FSIP2: variants seen among roughly 807,000 people sequenced by gnomAD.
FSIP2 encodes fibrous sheath-interacting protein 2.
Under a neutral mutation model 510.5 loss-of-function variants are expected in FSIP2, and 367 were observed. That is an observed-to-expected ratio of 0.72 (90% CI 0.66 to 0.78). FSIP2 has a LOEUF of 0.78. Ranked by LOEUF, FSIP2 falls within the 30% of genes least tolerant of loss-of-function variation. The probability of loss-of-function intolerance (pLI) is 0.00; values close to 1 mark genes in which losing one functional copy is unlikely to be tolerated. For missense variants in FSIP2, 7,594 were observed against 7,901.7 expected (o/e 0.96, Z 1.48); for synonymous variants, 2,601 against 2,732.2 (o/e 0.95, Z 1.50).
rs777666677 is a variant in FSIP2 at position 185,792,428 on chromosome 2, A to C, written c.5292A>C (p.Lys1764Asn). The C allele has an allele frequency of 1.3e-6, 2 of 1,533,604 alleles. No individual in the cohort carries two copies. Among genetic ancestry groups the C allele is most frequent in the South Asian group, 1.2e-5 (1 of 83,966 alleles). 95.0% of individuals were successfully genotyped at this position (1,533,604 alleles called of 1,614,324 possible). ...KQWALEKTLNKIEVKLKEPHI... is the reference protein window; with the variant it reads ...KQWALEKTLNNIEVKLKEPHI... ...GGGCTCTCGAAAAAACCTTAAACAA[A>C]ATTGAAGTAAAACTCAAAGAACCAC... Residue 1764 changes from lysine to asparagine, a missense_variant, in exon 16 of 23, where the codon AAA (lysine) becomes AAC (asparagine). By Grantham distance (94) the Lys-to-Asn change is moderately conservative (BLOSUM62 0). Transcript: ENST00000424728.
intron 22 of FSIP2, among the ~76,000 whole-genome samples, chr2:185,832,578 ATTTC>A (rs972217220): frequency 6.6e-5 from 10 of 151,622 alleles, no homozygotes; most frequent in Admixed American, 2.0e-4. Flanking sequence ...ATATAAAATT[ATTTC>A]TTTATGTATA....
chr2:185,787,352 T>C lies in FSIP2; in HGVS notation c.1506+1064T>C, dbSNP rs1319086150. On this transcript the variant is annotated intron_variant, in intron 15 of 22. Coordinates refer to ENST00000424728, the MANE Select transcript of FSIP2 (RefSeq NM_173651.4). ...AATAAAATGGCCTTTCCTGGGGTGCTCCTCAAATGCTTTCAAGTGAGTCAG... is the reference window on the plus strand; with the variant it reads ...AATAAAATGGCCTTTCCTGGGGTGCCCCTCAAATGCTTTCAAGTGAGTCAG... Among the ~76,000 whole-genome samples the C allele has an allele frequency of 3.3e-5, 5 of 151,746 alleles. No individual in the cohort carries two copies. In the East Asian group the frequency reaches 9.7e-4, roughly 29 times the overall value.
intron 12 of FSIP2, among the ~76,000 whole-genome samples, chr2:185,763,729 G>A (rs1159361904): frequency 1.3e-5 from 2 of 151,478 alleles, no homozygotes; most frequent in Non-Finnish European, 3.0e-5. Context: ...TAGCTCAACT[G>A]CCCTAGGGAG....
chr2:185,759,656 A>G (rs1213899675), intron 9 of FSIP2, among the ~76,000 whole-genome samples: 3 of 146,374 alleles, frequency 2.0e-5, no homozygotes, highest in Admixed American at 6.9e-5. Flanking sequence ...TATTATATAT[A>G]TTATATATTA....
chr2:185,786,693 TG>T (rs1692988045), intron 15 of FSIP2, among the ~76,000 whole-genome samples: 1 of 151,828 alleles, frequency 6.6e-6, no homozygotes, highest in Admixed American at 6.6e-5. Flanking sequence ...AGTAGTTTTG[TG>T]AAAAGGGACC....
chr2:185,797,068 T>G lies in FSIP2; in HGVS notation c.9932T>G (p.Val3311Gly). The G allele has an allele frequency of 6.5e-7, 1 of 1,535,284 alleles. No homozygotes were observed. The highest frequency in any genetic ancestry group is 8.7e-7 in the Non-Finnish European group (1 of 1,146,358). Residue 3311 changes from valine to glycine, a missense_variant, in exon 16 of 23, where the codon GTT becomes GGT. Coordinates refer to ENST00000424728, the MANE Select transcript of FSIP2 (RefSeq NM_173651.4). ...TTTCATTATGAGAACCTAAAACCAG[T>G]TGTTGAACCAAACCAAATTCAGACA... ...RVFHYENLKP[V>G]VEPNQIQTTI...
intron 13 of FSIP2, among the ~76,000 whole-genome samples, chr2:185,773,677 A>ATATC (rs1193119397): frequency 6.6e-6 from 1 of 152,140 alleles, no homozygotes; most frequent in East Asian, 1.9e-4. Flanking sequence ...GGCTGTTTTT[A>ATATC]TATCTTAACC....
intron 13 of FSIP2, among the ~76,000 whole-genome samples, chr2:185,771,519 G>C (rs918440151): frequency 8.5e-5 from 13 of 152,212 alleles, no homozygotes; most frequent in Non-Finnish European, 1.5e-4. Flanking sequence ...TGGGCCCTTT[G>C]AGCTGAGGCT....
intron 7 of FSIP2, among the ~76,000 whole-genome samples, chr2:185,749,540 T>C (rs1225965210): frequency 6.6e-6 from 1 of 151,964 alleles, no homozygotes; most frequent in East Asian, 1.9e-4. Context: ...GTAGTTCTTT[T>C]TTCTAGATGC....
Position 185,792,338 on chromosome 2 carries a change from G to A in FSIP2, c.5202G>A (p.Ala1734=), listed in dbSNP as rs568599074. ...DSFLEDDAYT[A]KKIIDERSPQ... is the part of the protein sequence containing the mutation. ...TTCTAGAAGATGATGCATATACAGC[G>A]AAAAAAATTATTGATGAGAGATCCC... Residue 1734 remains alanine, a synonymous_variant, in exon 16 of 23, where the codon GCG becomes GCA. Transcript: ENST00000424728. 1.9e-5 allele frequency: 29 copies of A among 1,527,836 alleles called. No homozygotes were observed. The highest frequency in any genetic ancestry group is 2.4e-5 in the East Asian group (1 of 40,830). The allele number at this position is 1,527,836 out of a possible 1,614,324, so 94.6% of individuals were successfully genotyped here. A position where few individuals can be genotyped will look rare whatever the true frequency, so the allele number is the denominator to read the frequency against.
chr2:185,802,887 G>A lies in FSIP2; in HGVS notation c.13581G>A (p.Glu4527=), dbSNP rs1022288329. 8 of 1,497,982 alleles carry A rather than the reference G, an allele frequency of 5.3e-6. No homozygotes were observed. In the African/African-American group the frequency reaches 9.9e-5, roughly 18 times the overall value. The allele number at this position is 1,497,982 out of a possible 1,614,324, so 92.8% of individuals were successfully genotyped here. A position where few individuals can be genotyped will look rare whatever the true frequency, so the allele number is the denominator to read the frequency against. The change falls in exon 17 of 23, where the codon GAG becomes GAA. Residue 4527 remains glutamate (E), a synonymous_variant. Coordinates refer to ENST00000424728, the MANE Select transcript of FSIP2 (RefSeq NM_173651.4). ...AACATGAAATTCGATTTTCAAAAGA[G>A]GAAGAAGAAACCAAGTTTATTTATT... ...VSQHEIRFSK[E]EEETKFIYSE...
At chr2:185,748,637 CTAA>C (rs1692083561) in intron 7 of FSIP2, among the ~76,000 whole-genome samples, 1 of 152,004 alleles carries the variant, frequency 6.6e-6, no homozygotes, top group Non-Finnish European at 1.5e-5. Context: ...CTCCTTTTGC[CTAA>C]TGTCAATTAC....
chr2:185,820,746 A>G (rs1006041892), intron 19 of FSIP2, among the ~76,000 whole-genome samples: 6 of 151,594 alleles, frequency 4.0e-5, no homozygotes, highest in Non-Finnish European at 8.8e-5. Context: ...GGGTCAAAGA[A>G]GAAATAATGA....
intron 20 of FSIP2, among the ~76,000 whole-genome samples, chr2:185,825,859 A>G (rs1694005562): frequency 6.6e-6 from 1 of 151,852 alleles, no homozygotes; most frequent in African/African-American, 2.4e-5. Context: ...AAGGGTAAGG[A>G]CTTAAACAAG....
rs774318533 is a variant in FSIP2, at chr2:185,789,476, A to G, written c.2340A>G (p.Gln780=). The G allele has an allele frequency of 8.0e-5, 123 of 1,534,546 alleles. No homozygotes were observed. The highest frequency in any genetic ancestry group is 1.1e-4 in the Non-Finnish European group (122 of 1,145,882). ...AAAAATGTGTTGAGATGTTTTCACAAGATTTGTCAGTCGACATTAAACCAA... is the reference window on the plus strand; with the variant it reads ...AAAAATGTGTTGAGATGTTTTCACAGGATTTGTCAGTCGACATTAAACCAA... ...VEKKCVEMFS[Q]DLSVDIKPSL... The change falls in exon 16 of 23, where the codon CAA becomes CAG. Residue 780 remains glutamine (Q), a synonymous_variant. Transcript: ENST00000424728.
intron 20 of FSIP2, among the ~76,000 whole-genome samples, chr2:185,827,060 C>T (rs905586186): frequency 1.3e-5 from 2 of 151,766 alleles, no homozygotes; most frequent in Non-Finnish European, 2.9e-5. Flanking sequence ...ACCCTAGAAA[C>T]TTAAAAACTT....
chr2:185,785,400 T>A (rs1395812426), intron 14 of FSIP2, among the ~76,000 whole-genome samples: 1 of 152,090 alleles, frequency 6.6e-6, no homozygotes, highest in Non-Finnish European at 1.5e-5. Context: ...TCAGTCTGGC[T>A]ATTTCTCAAA....
chr2:185,817,346 G>A (rs546466433), intron 19 of FSIP2, among the ~76,000 whole-genome samples: 26 of 152,028 alleles, frequency 1.7e-4, no homozygotes, highest in African/African-American at 5.8e-4. Context: ...AACTACAGAG[G>A]GACTGCAGAA....
chr2:185,740,172 T>C (rs1691896097), intron 2 of FSIP2, among the ~76,000 whole-genome samples: 1 of 152,198 alleles, frequency 6.6e-6, no homozygotes, highest in Non-Finnish European at 1.5e-5. Context: ...CTGGCATACC[T>C]TGTCTTCTTC....
Sources: allele counts gnomAD v4.1 joint callset (sites outside exome capture counted in the v4.1 genomes callset), GRCh38; gene constraint gnomAD v4.1.1; transcripts MANE v1.5; gene names NCBI Gene and HGNC (gene_info 2026-07-23, HGNC 2026-07-21).